The following TMEM242 variants were observed in gnomAD, a reference collection of about 807,000 sequenced individuals.
TMEM242 encodes the protein transmembrane protein 242.
In TMEM242, 10 loss-of-function variants were observed where a neutral mutation model predicts 18.2. The ratio of observed to expected loss-of-function variants is 0.55; its 90% CI spans 0.34 to 0.93. TMEM242 has a LOEUF of 0.93. Ranked by LOEUF, TMEM242 falls within the 40% of genes least tolerant of loss-of-function variation. The pLI is 0.02. For synonymous variants in TMEM242, 57 were observed against 69.9 expected (o/e 0.81, Z 0.92); for missense variants, 186 against 175.5 (o/e 1.06, Z -0.34).
intron 3 of TMEM242, among the ~76,000 whole-genome samples, chr6:157,295,897 T>C (rs1390369036): frequency 6.6e-6 from 1 of 152,188 alleles, no homozygotes; most frequent in African/African-American, 2.4e-5. Flanking sequence ...CTCAAGTGGC[T>C]TTAGAGAATG....
chr6:157,311,678 G>C (rs1230191124), intron 3 of TMEM242, among the ~76,000 whole-genome samples: 4 of 97,070 alleles, frequency 4.1e-5, no homozygotes, highest in East Asian at 3.0e-4. Context: ...CCTCATCATA[G>C]TGTCCCAGTG....
intron 3 of TMEM242, among the ~76,000 whole-genome samples, chr6:157,297,602 C>T (rs1777768191): frequency 6.6e-6 from 1 of 152,136 alleles, no homozygotes; most frequent in Non-Finnish European, 1.5e-5. Context: ...GAGAAATCAA[C>T]ATTTCTAGAT....
chr6:157,319,014 A>G, intron 2 of TMEM242, 95 bp from the exon 3 acceptor site: 5 of 1,309,552 alleles, frequency 3.8e-6, no homozygotes, highest in Non-Finnish European at 5.1e-6. Context: ...TGCAAACAAC[A>G]TGATATTAGG....
At chr6:157,322,259 T>G (rs1218431122) in intron 2 of TMEM242, among the ~76,000 whole-genome samples, 1 of 152,134 alleles carries the variant, frequency 6.6e-6, no homozygotes, top group African/African-American at 2.4e-5. Flanking sequence ...GCCTCCCGAG[T>G]AGCTAGGACT....
chr6:157,310,313 C>T (rs1381282907), intron 3 of TMEM242, among the ~76,000 whole-genome samples: 1 of 151,714 alleles, frequency 6.6e-6, no homozygotes, highest in Non-Finnish European at 1.5e-5. Context: ...TTTACCTCAA[C>T]TGTTCTCCAA....
chr6:157,323,321 C>T lies in TMEM242; in HGVS notation c.88+91G>A, dbSNP rs964692824. 7.3e-6 allele frequency: 10 copies of T among 1,364,762 alleles called. No homozygotes were observed. In the African/African-American group the frequency reaches 1.3e-4, roughly 18 times the overall value. The allele number at this position is 1,364,762 out of a possible 1,614,324, so 84.5% of individuals were successfully genotyped here. A position where few individuals can be genotyped will look rare whatever the true frequency, so the allele number is the denominator to read the frequency against. On this transcript the variant is annotated intron_variant, in intron 1 of 3. Transcript: ENST00000400788. ...AAGCACAAGCTAAGGGCTCTCAGAG[C>T]GGGATGTGTGTGGGAATGCCCGCTC... is the stretch of plus-strand genomic sequence containing the variant.
rs587747921 is a variant in TMEM242 at position 157,322,852 on chromosome 6, T to TA, written c.89-48dup. On this transcript the variant is annotated intron_variant, in intron 1 of 3. Transcript: ENST00000400788. The stretch of plus-strand genomic sequence containing the variant: ...AGGGGGGATATTAAAAAAAATTAAA[T>TA]AAAAAGAGGTTAAAAAGATGTACAA... The TA allele has an allele frequency of 5.9e-5, 88 of 1,482,740 alleles. No homozygotes were observed. The African/African-American group carries it at 1.2e-3, about 20-fold the overall frequency. The allele number at this position is 1,482,740 out of a possible 1,614,324, so 91.8% of individuals were successfully genotyped here. A position where few individuals can be genotyped will look rare whatever the true frequency, so the allele number is the denominator to read the frequency against.
rs587644708 is a variant in TMEM242, at chr6:157,308,228, G to C, written c.327+10554C>G. The stretch of plus-strand genomic sequence containing the variant: ...AACGCTGCTTCATTTGAGGTGAATA[G>C]GTAAAAATAATGCAGGAATAAACGT... On this transcript the variant is annotated intron_variant, in intron 3 of 3. Transcript: ENST00000400788. Among the ~76,000 whole-genome samples the C allele has an allele frequency of 2.6e-5, 4 of 152,252 alleles. No homozygotes were observed. In the South Asian group the frequency reaches 8.3e-4, roughly 32 times the overall value.
At chr6:157,319,637 G>A (rs1778461902) in intron 2 of TMEM242, among the ~76,000 whole-genome samples, 1 of 152,130 alleles carries the variant, frequency 6.6e-6, no homozygotes, top group Admixed American at 6.5e-5. Flanking sequence ...ATGAGAACAG[G>A]ACATTAAAAG....
intron 3 of TMEM242, among the ~76,000 whole-genome samples, chr6:157,297,979 G>T (rs950087723): frequency 2.0e-5 from 3 of 152,146 alleles, no homozygotes; most frequent in Non-Finnish European, 2.9e-5. Context: ...CTGTAGTAAA[G>T]TCAATTGATT....
chr6:157,306,298 G>A (rs1554247908), intron 3 of TMEM242, among the ~76,000 whole-genome samples: 1 of 152,244 alleles, frequency 6.6e-6, no homozygotes, highest in African/African-American at 2.4e-5. Flanking sequence ...GCGGGAGGCA[G>A]GGAGAACAGA....
chr6:157,306,125 G>C (rs913465240), intron 3 of TMEM242, among the ~76,000 whole-genome samples: 2 of 152,224 alleles, frequency 1.3e-5, no homozygotes, highest in Admixed American at 6.5e-5. Flanking sequence ...TAGATGACGA[G>C]GGGCAGGATC....
At chr6:157,303,317 T>C (rs1562379772) in intron 3 of TMEM242, among the ~76,000 whole-genome samples, 1 of 152,174 alleles carries the variant, frequency 6.6e-6, no homozygotes, top group African/African-American at 2.4e-5. Flanking sequence ...ACAGACCCCA[T>C]CTAGAGAGAG....
At position 157,305,484 on chromosome 6, in the gene TMEM242, C is replaced by A. The variant is rs950516088; in HGVS notation, c.328-12485G>T. ...GAGGGCGTGTCATATTGTGAGGGCA[C>A]ACAATATGAAGCAGAGACGCCGATC... On this transcript the variant is annotated intron_variant, in intron 3 of 3. Transcript: ENST00000400788. The surrounding 1 kb of genome is among the most constrained non-coding windows in gnomAD (Gnocchi z 4.1). 2.6e-5 allele frequency among the ~76,000 whole-genome samples: 4 copies of A among 152,010 alleles called. No homozygotes were observed. The highest frequency in any genetic ancestry group is 9.7e-5 in the African/African-American group (4 of 41,364).
intron 3 of TMEM242, among the ~76,000 whole-genome samples, chr6:157,302,655 G>C (rs1554247604): frequency 6.6e-6 from 1 of 152,206 alleles, no homozygotes; most frequent in African/African-American, 2.4e-5. Context: ...AGATGTATGT[G>C]ACCTCCAGAG....
At position 157,292,058 on chromosome 6, in the gene TMEM242, C is replaced by T. The variant is rs1447655072; in HGVS notation, c.*843G>A. The T allele has an allele frequency of 6.6e-6, 1 of 152,038 alleles. No homozygotes were observed. Among genetic ancestry groups the T allele is most frequent in the African/African-American group, 2.4e-5 (1 of 41,388 alleles). The allele number at this position is 152,038 out of a possible 1,614,324, so 9.4% of individuals were successfully genotyped here. On this transcript the variant is annotated 3_prime_UTR_variant, in exon 4 of 4. Coordinates refer to ENST00000400788, the MANE Select transcript of TMEM242 (RefSeq NM_018452.6). Reference sequence around the variant, plus strand: ...AACAGCTTTGTTAGGGAGGTGGTCCCAAATACTTTATATTGGGACTCCGTA... The same window carrying T: ...AACAGCTTTGTTAGGGAGGTGGTCCTAAATACTTTATATTGGGACTCCGTA...
In TMEM242 at chr6:157,323,434, A is replaced by T. The variant is rs1554250870; in HGVS notation, c.66T>A (p.Asn22Lys). 4.3e-6 allele frequency: 7 copies of T among 1,614,120 alleles called. No homozygotes were observed. Among genetic ancestry groups the T allele is most frequent in the Non-Finnish European group, 5.1e-6 (6 of 1,179,982 alleles). ...ASGLEAPGSTNDRLFLVKGGI... is the reference protein window; with the variant it reads ...ASGLEAPGSTKDRLFLVKGGI... Reference sequence around the variant, plus strand: ...TACCTTTAACCAGGAAAAGCCGGTCATTCGTGGACCCCGGAGCCTCCAGCC... The same window carrying T: ...TACCTTTAACCAGGAAAAGCCGGTCTTTCGTGGACCCCGGAGCCTCCAGCC... Residue 22 changes from asparagine (N) to lysine (K), a missense_variant, in exon 1 of 4, where the codon AAT (asparagine) becomes AAA (lysine). Transcript: ENST00000400788.
intron 3 of TMEM242, among the ~76,000 whole-genome samples, chr6:157,307,294 C>T (rs1383947940): frequency 6.6e-6 from 1 of 152,106 alleles, no homozygotes; most frequent in African/African-American, 2.4e-5. Flanking sequence ...GGAATATTAT[C>T]GAGGTGATGA....
At chr6:157,311,373 T>A (rs200181586) in intron 3 of TMEM242, among the ~76,000 whole-genome samples, 1 of 121,076 alleles carries the variant, frequency 8.3e-6, no homozygotes, top group African/African-American at 3.0e-5. Flanking sequence ...CTCATCATAG[T>A]GTTCCAGTGT....
Sources: gnomAD v4.1 joint callset for allele counts (sites outside exome capture counted in the v4.1 genomes callset) on GRCh38, gnomAD v4.1.1 for gene constraint, Gnocchi (gnomAD v3.1) non-coding constraint, MANE v1.5 for transcripts, NCBI Gene and HGNC (gene_info 2026-07-23, HGNC 2026-07-21) for gene names.